Variants in PRKN observed in about 807,000 individuals in gnomAD.
PRKN encodes the protein E3 ubiquitin-protein ligase parkin.
Under a neutral mutation model 59.5 loss-of-function variants are expected in PRKN, and 56 were observed. That is an observed-to-expected ratio of 0.94 (90% CI 0.76 to 1.18). The LOEUF is 1.18. PRKN is among the 50% of genes most tolerant of loss of function. PRKN has a pLI of 0.00. For synonymous variants in PRKN, 250 were observed against 222.1 expected (o/e 1.13, Z -1.12); for missense variants, 657 against 596.4 (o/e 1.10, Z -1.06).
At chr6:161,728,923 G>T (rs1311761451) in intron 7 of PRKN, among the ~76,000 whole-genome samples, 1 of 152,168 alleles carries the variant, frequency 6.6e-6, no homozygotes, top group Non-Finnish European at 1.5e-5. Context: ...CTCTCCTGCA[G>T]GAAAAGTAAT....
intron 7 of PRKN, among the ~76,000 whole-genome samples, chr6:161,630,208 T>C (rs1462469658): frequency 6.6e-6 from 1 of 152,006 alleles, no homozygotes; most frequent in Admixed American, 6.6e-5. Context: ...GCCTTTAGGG[T>C]CTGAAAAATT....
chr6:162,038,769 G>A (rs1783944346), intron 5 of PRKN, among the ~76,000 whole-genome samples: 1 of 152,188 alleles, frequency 6.6e-6, no homozygotes, highest in African/African-American at 2.4e-5. Flanking sequence ...GACATGATAG[G>A]ATCACATTTG....
rs1321940437 is a variant in PRKN, at chr6:162,075,971, T to TC, written c.535-21798_535-21797insG. Reference sequence around the variant, plus strand: ...TGAAAAAAGAAAGGCTTGCTTTTTTTTTTTTTTTTTTTTTTAAGACAGAGT... The same window carrying TC: ...TGAAAAAAGAAAGGCTTGCTTTTTTTCTTTTTTTTTTTTTTTAAGACAGAGT... On this transcript the variant is annotated intron_variant, in intron 4 of 11. Transcript: ENST00000366898. Among the ~76,000 whole-genome samples, 4 of 34,486 alleles carry TC rather than the reference T, an allele frequency of 1.2e-4. No individual in the cohort carries two copies. The East Asian group carries it at 1.4e-3, about 12-fold the overall frequency. 22.6% of individuals were successfully genotyped at this position (34,486 alleles called of 152,430 possible).
intron 7 of PRKN, among the ~76,000 whole-genome samples, chr6:161,721,340 G>A (rs983064983): frequency 3.3e-5 from 5 of 152,138 alleles, no homozygotes; most frequent in African/African-American, 1.2e-4. Context: ...CTTTGCTAGT[G>A]CATTTAGGAC....
Position 161,393,815 on chromosome 6 carries a change from A to C in PRKN, c.1084-6938T>G, listed in dbSNP as rs137857642. Among the ~76,000 whole-genome samples the C allele has an allele frequency of 8.8e-4, 133 of 151,854 alleles. No homozygotes were observed. Among genetic ancestry groups the C allele is most frequent in the African/African-American group, 3.2e-3 (131 of 41,346 alleles). ...GCTGCATCTATTATAAAAGCATTCT[A>C]TTATGTGCATTTATTTTTCTTCCAC... On this transcript the variant is annotated intron_variant, in intron 9 of 11. Coordinates refer to ENST00000366898, the MANE Select transcript of PRKN (RefSeq NM_004562.3). This position sits in a 1 kb window ranked among gnomAD's most constrained non-coding sequence, Gnocchi z 4.7.
In PRKN at chr6:161,447,360, C is replaced by CTCA. The variant is rs1789539008; in HGVS notation, c.1084-60486_1084-60484dup. The stretch of plus-strand genomic sequence containing the variant: ...TTCCCCAAACCTTTTCAGAACTGAA[C>CTCA]TCATTAGAAATGAATTTACATTTTG... On this transcript the variant is annotated intron_variant, in intron 9 of 11. Coordinates refer to ENST00000366898, the MANE Select transcript of PRKN (RefSeq NM_004562.3). This position sits in a 1 kb window ranked among gnomAD's most constrained non-coding sequence, Gnocchi z 4.1. 6.6e-6 allele frequency among the ~76,000 whole-genome samples: 1 copy of CTCA among 152,218 alleles called. No individual in the cohort carries two copies. The highest frequency in any genetic ancestry group is 1.5e-5 in the Non-Finnish European group (1 of 68,042).
At chr6:162,340,008 C>T (rs1360431026) in intron 2 of PRKN, among the ~76,000 whole-genome samples, 1 of 147,134 alleles carries the variant, frequency 6.8e-6, no homozygotes, top group African/African-American at 2.5e-5. Flanking sequence ...TGCGGAAGGC[C>T]GCAGGGTCCT....
At chr6:162,438,664 T>C (rs1272891184) in intron 2 of PRKN, among the ~76,000 whole-genome samples, 1 of 152,174 alleles carries the variant, frequency 6.6e-6, no homozygotes, top group African/African-American at 2.4e-5. Context: ...ATTAGAACAA[T>C]GTTAGCCCTA....
chr6:162,558,054 A>C (rs556075932), intron 1 of PRKN, among the ~76,000 whole-genome samples: 1 of 152,192 alleles, frequency 6.6e-6, no homozygotes, highest in South Asian at 2.1e-4. Context: ...ATATATTAAT[A>C]TCTACACACA....
At chr6:161,982,072 C>G (rs889599621) in intron 5 of PRKN, among the ~76,000 whole-genome samples, 15 of 152,158 alleles carry the variant, frequency 9.9e-5, no homozygotes, top group Non-Finnish European at 2.1e-4. Context: ...CACATCCGCC[C>G]CTTCTCTGCC....
intron 1 of PRKN, among the ~76,000 whole-genome samples, chr6:162,483,602 AT>A (rs548226170): frequency 1.3e-5 from 2 of 151,854 alleles, no homozygotes; most frequent in Non-Finnish European, 2.9e-5. Context: ...AGGAAAGAAG[AT>A]TTTAAATATG....
chr6:161,418,894 G>A (rs971469969), intron 9 of PRKN, among the ~76,000 whole-genome samples: 8 of 152,152 alleles, frequency 5.3e-5, no homozygotes, highest in African/African-American at 1.9e-4. Flanking sequence ...AAATGCATTG[G>A]CATTTTCACA....
rs926129912 is a variant in PRKN, at chr6:161,685,355, C to T, written c.871+100417G>A. Among the ~76,000 whole-genome samples the T allele has an allele frequency of 1.1e-4, 16 of 152,294 alleles. No homozygotes were observed. The South Asian group carries it at 2.9e-3, about 28-fold the overall frequency. Reference sequence around the variant, plus strand: ...TCGCATGATTTCTCCAGAATCAGATCCAACAGGATGCACTGCTCCTGCTGA... The same window carrying T: ...TCGCATGATTTCTCCAGAATCAGATTCAACAGGATGCACTGCTCCTGCTGA... On this transcript the variant is annotated intron_variant, in intron 7 of 11. Coordinates refer to ENST00000366898, the MANE Select transcript of PRKN (RefSeq NM_004562.3).
intron 4 of PRKN, among the ~76,000 whole-genome samples, chr6:162,134,455 A>T (rs922106268): frequency 5.9e-5 from 9 of 152,198 alleles, no homozygotes; most frequent in Non-Finnish European, 1.3e-4. Flanking sequence ...TATTCGCCAG[A>T]TACATGTGCA....
chr6:161,762,472 A>G (rs572571290), intron 7 of PRKN, among the ~76,000 whole-genome samples: 2 of 152,372 alleles, frequency 1.3e-5, no homozygotes, highest in Non-Finnish European at 2.9e-5. Context: ...TGAACAAATT[A>G]AAGACTACTT....
chr6:161,628,856 G>A (rs1371496015), intron 7 of PRKN, among the ~76,000 whole-genome samples: 1 of 152,226 alleles, frequency 6.6e-6, no homozygotes, highest in Non-Finnish European at 1.5e-5. Flanking sequence ...GCCAATGAGA[G>A]TGTACCATGC....
chr6:162,112,796 C>T, intron 4 of PRKN, among the ~76,000 whole-genome samples: 1 of 151,252 alleles, frequency 6.6e-6, no homozygotes. Flanking sequence ...AAAAAAAAAG[C>T]TGAGTATCGT....
In PRKN at chr6:161,399,601, G is replaced by T. The variant is rs1777014332; in HGVS notation, c.1084-12724C>A. On this transcript the variant is annotated intron_variant, in intron 9 of 11. Coordinates refer to ENST00000366898, the MANE Select transcript of PRKN (RefSeq NM_004562.3). The surrounding 1 kb of genome is among the most constrained non-coding windows in gnomAD (Gnocchi z 4.4). ...ATGCCTGTTGCATGTCCTGCAACCG[G>T]GGTGGGTCAGGGAACTCTCCCGTTT... 6.6e-6 allele frequency among the ~76,000 whole-genome samples: 1 copy of T among 152,148 alleles called. No homozygotes were observed. The highest frequency in any genetic ancestry group is 6.5e-5 in the Admixed American group (1 of 15,270).
intron 5 of PRKN, among the ~76,000 whole-genome samples, chr6:162,014,590 A>T (rs1252817298): frequency 6.6e-6 from 1 of 152,166 alleles, no homozygotes; most frequent in African/African-American, 2.4e-5. Context: ...CATTCCATGG[A>T]GGAAACAGGA....
Sources: allele counts gnomAD v4.1 joint callset (sites outside exome capture counted in the v4.1 genomes callset), GRCh38; gene constraint gnomAD v4.1.1; non-coding constraint Gnocchi (gnomAD v3.1); transcripts MANE v1.5; gene names NCBI Gene and HGNC (gene_info 2026-07-23, HGNC 2026-07-21).